The following EPHB1 variants were observed in gnomAD, a reference collection of about 807,000 sequenced individuals.
The protein encoded by EPHB1 is EPH receptor B1.
Under a neutral mutation model 94.4 loss-of-function variants are expected in EPHB1, and 30 were observed. The observed-to-expected ratio is 0.32, with a 90% CI of 0.24 to 0.43. The LOEUF (loss-of-function observed/expected upper bound fraction) is 0.43, where lower values mean the gene tolerates loss of function less well. EPHB1 is among the 20% of genes least tolerant of loss of function. The pLI is 1.00. For synonymous variants in EPHB1, 522 were observed against 489.1 expected (o/e 1.07, Z -0.89); for missense variants, 1,055 against 1,308.3 (o/e 0.81, Z 2.99).
Position 135,245,292 on chromosome 3 carries a change from C to T in EPHB1, c.2497-3024C>T, listed in dbSNP as rs144705647. 2.6e-3 allele frequency among the ~76,000 whole-genome samples: 401 copies of T among 152,204 alleles called. 1 individual carries two copies. The highest frequency in any genetic ancestry group is 4.2e-3 in the Non-Finnish European group (283 of 68,014). ...AAGTTTCAGGAAGTCAGGTGACTCT[C>T]CCAAGGTTCTATAGGTAATAAGAAA... On this transcript the variant is annotated intron_variant, in intron 13 of 15. Coordinates refer to ENST00000398015, the MANE Select transcript of EPHB1 (RefSeq NM_004441.5).
In EPHB1 at chr3:135,070,399, T is replaced by C. The variant is rs187888604; in HGVS notation, c.806-36049T>C. Among the ~76,000 whole-genome samples the C allele has an allele frequency of 3.2e-3, 493 of 152,292 alleles. 3 individuals carry two copies. The highest frequency in any genetic ancestry group is 6.8e-3 in the Middle Eastern group (2 of 294). ...AGTTTACTTGACCTGCTTTAGACCA[T>C]TGGGGCTTGATCATGTCAGAGGTAG... On this transcript the variant is annotated intron_variant, in intron 3 of 15. Transcript: ENST00000398015.
chr3:134,855,486 G>T (rs2037093203), intron 1 of EPHB1, among the ~76,000 whole-genome samples: 1 of 152,138 alleles, frequency 6.6e-6, no homozygotes, highest in Admixed American at 6.5e-5. Flanking sequence ...AGAGCCTTGG[G>T]GTAACTACAT....
At chr3:135,222,434 C>G (rs762594242) in intron 12 of EPHB1, among the ~76,000 whole-genome samples, 18 of 152,228 alleles carry the variant, frequency 1.2e-4, no homozygotes, top group Non-Finnish European at 2.2e-4. Flanking sequence ...CTCATATGAT[C>G]TTTTCTAGGA....
At chr3:134,985,953 AG>A (rs983527385) in intron 3 of EPHB1, among the ~76,000 whole-genome samples, 2 of 152,188 alleles carry the variant, frequency 1.3e-5, no homozygotes, top group African/African-American at 4.8e-5. Flanking sequence ...AACCCTGGTC[AG>A]GAGTCACACA....
chr3:135,191,155 G>A (rs1382974123), intron 10 of EPHB1, among the ~76,000 whole-genome samples: 3 of 151,942 alleles, frequency 2.0e-5, no homozygotes, highest in Admixed American at 2.0e-4. Flanking sequence ...AAGGGAGGAA[G>A]GATGGAAGGA....
chr3:135,200,671 A>T (rs940429909), intron 11 of EPHB1, among the ~76,000 whole-genome samples: 1 of 152,182 alleles, frequency 6.6e-6, no homozygotes, highest in African/African-American at 2.4e-5. Flanking sequence ...AAGAGTATAA[A>T]ATCAAGCAGC....
At chr3:134,941,634 G>A (rs1332948663) in intron 2 of EPHB1, among the ~76,000 whole-genome samples, 1 of 152,182 alleles carries the variant, frequency 6.6e-6, no homozygotes, top group Non-Finnish European at 1.5e-5. Flanking sequence ...GTTTCTGAAG[G>A]TTTTTCTAGA....
At chr3:134,911,736 G>T (rs993425140) in intron 1 of EPHB1, among the ~76,000 whole-genome samples, 1 of 152,190 alleles carries the variant, frequency 6.6e-6, no homozygotes, top group African/African-American at 2.4e-5. Flanking sequence ...TAGCTGCATG[G>T]TGATGCAGCC....
intron 3 of EPHB1, among the ~76,000 whole-genome samples, chr3:135,031,101 C>G (rs1936443299): frequency 6.6e-6 from 1 of 152,154 alleles, no homozygotes; most frequent in Non-Finnish European, 1.5e-5. Context: ...GTGCGCGCAC[C>G]CACTGACCTG....
chr3:134,947,535 T>C (rs765319230), intron 2 of EPHB1, among the ~76,000 whole-genome samples: 1 of 152,224 alleles, frequency 6.6e-6, no homozygotes, highest in Non-Finnish European at 1.5e-5. Context: ...CCTTTGAATA[T>C]GCAGCTGAAT....
chr3:135,178,219 C>CGGGGGGGGGGG (rs775780350), intron 9 of EPHB1, among the ~76,000 whole-genome samples: 1 of 96,232 alleles, frequency 1.0e-5, no homozygotes, highest in African/African-American at 4.8e-5. Context: ...TTTGGGAGGC[C>CGGGGGGGGGGG]GGGGAGGGGG....
At position 135,126,156 on chromosome 3, in the gene EPHB1, A is replaced by G. The variant is rs373805304; in HGVS notation, c.962-6558A>G. Among the ~76,000 whole-genome samples the G allele has an allele frequency of 5.9e-5, 9 of 152,240 alleles. No individual in the cohort carries two copies. In the East Asian group the frequency reaches 1.7e-3, roughly 29 times the overall value. On this transcript the variant is annotated intron_variant, in intron 4 of 15. Coordinates refer to ENST00000398015, the MANE Select transcript of EPHB1 (RefSeq NM_004441.5). The stretch of plus-strand genomic sequence containing the variant: ...TCTACCACCTCTTCACCTTTATTCT[A>G]TATTGAAGAGTGCTAAAGTTGATAT...
At chr3:134,970,243 A>G (rs983765777) in intron 3 of EPHB1, among the ~76,000 whole-genome samples, 3 of 152,186 alleles carry the variant, frequency 2.0e-5, no homozygotes, top group African/African-American at 7.2e-5. Flanking sequence ...CTAAAGTTTT[A>G]TGTTTTACAC....
intron 12 of EPHB1, among the ~76,000 whole-genome samples, chr3:135,219,683 G>A (rs1210638177): frequency 2.0e-5 from 3 of 152,220 alleles, no homozygotes; most frequent in Non-Finnish European, 4.4e-5. Context: ...TTTTGCAGAA[G>A]CATTGCCTTC....
chr3:134,934,329 T>C (rs929452701), intron 2 of EPHB1, among the ~76,000 whole-genome samples: 22 of 152,148 alleles, frequency 1.4e-4, no homozygotes, highest in African/African-American at 4.6e-4. Context: ...GACAAAGGCT[T>C]GAGGGCCTTG....
At chr3:134,833,110 C>G (rs1467494371) in intron 1 of EPHB1, among the ~76,000 whole-genome samples, 1 of 152,140 alleles carries the variant, frequency 6.6e-6, no homozygotes, top group Non-Finnish European at 1.5e-5. Flanking sequence ...CCTGTGTGCT[C>G]AACTTCAGGG....
At chr3:135,051,731 C>T (rs1937174172) in intron 3 of EPHB1, among the ~76,000 whole-genome samples, 1 of 152,116 alleles carries the variant, frequency 6.6e-6, no homozygotes, top group African/African-American at 2.4e-5. Flanking sequence ...TGACTTTGTA[C>T]AGGACAATCA....
chr3:135,130,553 T>G (rs1047116108), intron 4 of EPHB1, among the ~76,000 whole-genome samples: 4 of 152,122 alleles, frequency 2.6e-5, no homozygotes, highest in African/African-American at 9.7e-5. Flanking sequence ...ATGTTTTGGT[T>G]TGAAAATGGC....
chr3:134,991,096 A>G (rs886745031), intron 3 of EPHB1, among the ~76,000 whole-genome samples: 4 of 152,102 alleles, frequency 2.6e-5, no homozygotes, highest in Non-Finnish European at 5.9e-5. Flanking sequence ...ATGAATTTGC[A>G]TATTTGCCCT....
Sources: allele counts gnomAD v4.1 joint callset (sites outside exome capture counted in the v4.1 genomes callset), GRCh38; gene constraint gnomAD v4.1.1; transcripts MANE v1.5; gene names NCBI Gene and HGNC (gene_info 2026-07-23, HGNC 2026-07-21).